The following LRRIQ1 variants were observed in gnomAD, a reference collection of about 807,000 sequenced individuals.
LRRIQ1 encodes leucine-rich repeat- and IQ domain-containing protein 1.
Under a neutral mutation model 211.9 loss-of-function variants are expected in LRRIQ1, and 210 were observed. The observed-to-expected ratio is 0.99, with a 90% CI of 0.89 to 1.11. LRRIQ1 has a LOEUF of 1.11. Ranked by LOEUF, LRRIQ1 falls within the 50% of genes most tolerant of loss-of-function variation. The probability of loss-of-function intolerance (pLI) is 0.00; values close to 1 mark genes in which losing one functional copy is unlikely to be tolerated. For missense variants in LRRIQ1, 2,136 were observed against 1,939.5 expected, an observed-to-expected ratio of 1.10 and a Z score of -1.90; for synonymous variants, 699 against 650.1, an observed-to-expected ratio of 1.08 and a Z score of -1.14.
chr12:85,216,025 C>A (rs963728244), intron 24 of LRRIQ1, among the ~76,000 whole-genome samples: 5 of 152,086 alleles, frequency 3.3e-5, no homozygotes, highest in Non-Finnish European at 7.4e-5. Context: ...AAGACCTTTT[C>A]TTTATTGTAA....
intron 24 of LRRIQ1, among the ~76,000 whole-genome samples, chr12:85,179,612 A>G (rs1436672238): frequency 6.6e-6 from 1 of 152,022 alleles, no homozygotes; most frequent in Non-Finnish European, 1.5e-5. Flanking sequence ...CACTAATTAT[A>G]CTAAAATAGT....
At chr12:85,115,817 AAT>A (rs1342489797) in intron 15 of LRRIQ1, among the ~76,000 whole-genome samples, 1 of 152,136 alleles carries the variant, frequency 6.6e-6, no homozygotes, top group African/African-American at 2.4e-5. Context: ...TGGAGTATAA[AAT>A]ATTTTTTATT....
chr12:85,207,761 TC>T (rs1295037687), intron 24 of LRRIQ1, among the ~76,000 whole-genome samples: 3 of 152,158 alleles, frequency 2.0e-5, no homozygotes, highest in African/African-American at 7.2e-5. Flanking sequence ...ATCCAGTTGT[TC>T]CGACATCATT....
At chr12:85,220,800 C>A (rs540185325) in intron 24 of LRRIQ1, among the ~76,000 whole-genome samples, 2 of 131,258 alleles carry the variant, frequency 1.5e-5, no homozygotes, top group Non-Finnish European at 3.2e-5. Context: ...CCCCCTCCCC[C>A]CTGTTTTTAT....
intron 26 of LRRIQ1, 184 bp downstream of exon 26, chr12:85,232,940 T>G (rs1487155791): frequency 2.0e-6 from 1 of 510,114 alleles, no homozygotes; most frequent in African/African-American, 2.0e-5. Flanking sequence ...CAATTTAAAA[T>G]GTGACATTGC....
intron 1 of LRRIQ1, among the ~76,000 whole-genome samples, chr12:85,255,919 T>G (rs1896076329): frequency 6.6e-6 from 1 of 151,780 alleles, no homozygotes; most frequent in Non-Finnish European, 1.5e-5. Flanking sequence ...ACATGGTTAG[T>G]GGACTCATGT....
rs962999973 is a variant in LRRIQ1 at position 85,056,303 on chromosome 12, G to C, written c.1510G>C (p.Glu504Gln). ...ATTGGTCAAGCAAGAAAGAAAATAT[G>C]AAAATACAGATAACAAAACTGAATT... The part of the protein sequence containing the change: ...EELVKQERKY[E>Q]NTDNKTELGN... The change falls in exon 8 of 27, where the codon GAA becomes CAA. Residue 504 changes from glutamate to glutamine, a missense_variant. Glu to Gln is a conservative substitution (Grantham distance 29). Coordinates refer to ENST00000393217, the MANE Select transcript of LRRIQ1 (RefSeq NM_001079910.2). The C allele has an allele frequency of 6.3e-7, 1 of 1,590,706 alleles. No homozygotes were observed. Among genetic ancestry groups the C allele is most frequent in the African/African-American group, 1.4e-5 (1 of 73,296 alleles).
intron 24 of LRRIQ1, among the ~76,000 whole-genome samples, chr12:85,215,022 T>A (rs968192417): frequency 6.6e-6 from 1 of 151,960 alleles, no homozygotes; most frequent in Non-Finnish European, 1.5e-5. Context: ...AACAGGAAGT[T>A]TTAACGTACA....
At chr12:85,222,382 G>A (rs897131344) in intron 24 of LRRIQ1, among the ~76,000 whole-genome samples, 1 of 152,074 alleles carries the variant, frequency 6.6e-6, no homozygotes, top group African/African-American at 2.4e-5. Context: ...AGAGACTGGG[G>A]TTTAGCCAAA....
Position 85,148,777 on chromosome 12 carries a change from G to A in LRRIQ1, c.4330-3503G>A, listed in dbSNP as rs535447847. Among the ~76,000 whole-genome samples the A allele has an allele frequency of 7.2e-5, 11 of 152,076 alleles. No homozygotes were observed. In the East Asian group the frequency reaches 1.9e-3, roughly 27 times the overall value. On this transcript the variant is annotated intron_variant, in intron 19 of 26. Transcript: ENST00000393217. ...TTACATTACCACCAACAGTGTAAAAGTGTTCCTATTTCTCCACAGCCTCAC... is the reference window on the plus strand; with the variant it reads ...TTACATTACCACCAACAGTGTAAAAATGTTCCTATTTCTCCACAGCCTCAC...
At chr12:85,067,712 C>T (rs61020430) in intron 10 of LRRIQ1, among the ~76,000 whole-genome samples, 7,347 of 151,680 alleles carry the variant, frequency 0.048, 472 homozygotes, top group East Asian at 0.2. Flanking sequence ...CCCATCAGCC[C>T]GTCAGGACCT....
At chr12:85,186,611 G>A (rs1892240183) in intron 24 of LRRIQ1, among the ~76,000 whole-genome samples, 1 of 152,002 alleles carries the variant, frequency 6.6e-6, no homozygotes. Context: ...ATCTCTCCGA[G>A]TACTTTAATG....
intron 13 of LRRIQ1, among the ~76,000 whole-genome samples, chr12:85,102,784 G>A (rs1886444227): frequency 1.3e-5 from 2 of 150,946 alleles, no homozygotes; most frequent in Admixed American, 6.6e-5. Flanking sequence ...ACCCTTCCAG[G>A]ACAACTGGAG....
chr12:85,132,039 C>A lies in LRRIQ1; in HGVS notation c.4209+4006C>A. ...GATATAGATATCTCTGTGTGACACA[C>A]CAGAAAACACACATGCTATGTATTT... On this transcript the variant is annotated intron_variant, in intron 18 of 26. Coordinates refer to ENST00000393217, the MANE Select transcript of LRRIQ1 (RefSeq NM_001079910.2). 1.3e-5 allele frequency among the ~76,000 whole-genome samples: 2 copies of A among 152,034 alleles called. 1 individual carries two copies. The highest frequency in any genetic ancestry group is 2.9e-5 in the Non-Finnish European group (2 of 68,004).
intron 1 of LRRIQ1, among the ~76,000 whole-genome samples, chr12:85,253,835 C>T (rs533818603): frequency 6.6e-6 from 1 of 152,030 alleles, no homozygotes; most frequent in African/African-American, 2.4e-5. Context: ...GTGAATTTAC[C>T]TGCCCATTTT....
At chr12:85,053,808 C>T (rs764641664) in intron 7 of LRRIQ1, among the ~76,000 whole-genome samples, 6 of 152,198 alleles carry the variant, frequency 3.9e-5, no homozygotes, top group African/African-American at 1.4e-4. Context: ...CCTGGGTTCA[C>T]GCCATTCTCC....
At chr12:85,227,475 T>G (rs999193325) in intron 24 of LRRIQ1, among the ~76,000 whole-genome samples, 5 of 152,320 alleles carry the variant, frequency 3.3e-5, no homozygotes, top group African/African-American at 1.2e-4. Flanking sequence ...TGTCTTCTTT[T>G]GAGAAGTATC....
the LRRIQ1 span, among the ~76,000 whole-genome samples, chr12:85,272,064 CATAG>C: frequency 3.3e-5 from 5 of 152,022 alleles, no homozygotes; most frequent in Non-Finnish European, 7.4e-5. Context: ...CATGACGTAC[CATAG>C]AGACACTTTT....
chr12:85,120,463 T>G (rs752838840), intron 15 of LRRIQ1, among the ~76,000 whole-genome samples: 14 of 152,230 alleles, frequency 9.2e-5, no homozygotes, highest in Admixed American at 2.6e-4. Flanking sequence ...TCAGTTAGTG[T>G]CAGTCTTCTA....
Sources: gnomAD v4.1 joint callset for allele counts (sites outside exome capture counted in the v4.1 genomes callset) on GRCh38, gnomAD v4.1.1 for gene constraint, MANE v1.5 for transcripts, NCBI Gene and HGNC (gene_info 2026-07-23, HGNC 2026-07-21) for gene names.